RAB38: variants seen among roughly 807,000 people sequenced by gnomAD.
RAB38 encodes the protein RAB38, member RAS oncogene family, also known as ras-related protein Rab-38.
In RAB38, 15 loss-of-function variants were observed where a neutral mutation model predicts 18.4. The ratio of observed to expected loss-of-function variants is 0.82; its 90% CI spans 0.55 to 1.26. The LOEUF (loss-of-function observed/expected upper bound fraction) is 1.26, where lower values mean the gene tolerates loss of function less well. Among genes scored for constraint, RAB38 ranks in the 50% most tolerant of loss-of-function variants. The pLI, the probability that RAB38 is intolerant of heterozygous loss-of-function variation, is 0.00. For synonymous variants in RAB38, 101 were observed against 104.4 expected (o/e 0.97, Z 0.20); for missense variants, 294 against 267.4 (o/e 1.10, Z -0.69).
the RAB38 span, among the ~76,000 whole-genome samples, chr11:87,859,488 G>T: frequency 1.3e-5 from 2 of 152,004 alleles, no homozygotes; most frequent in African/African-American, 4.8e-5. Context: ...ATGGTTGGAG[G>T]TTTGTGATTG....
chr11:87,871,001 A>G, the RAB38 span, among the ~76,000 whole-genome samples: 2 of 151,720 alleles, frequency 1.3e-5, no homozygotes, highest in East Asian at 3.9e-4. Context: ...ATATTTTTAT[A>G]GCCATATTTT....
At chr11:87,852,733 A>T in the RAB38 span, among the ~76,000 whole-genome samples, 1 of 152,216 alleles carries the variant, frequency 6.6e-6, no homozygotes, top group Non-Finnish European at 1.5e-5. Context: ...ATATCGAGAC[A>T]GTAACCACTG....
At chr11:87,907,440 C>A in the RAB38 span, among the ~76,000 whole-genome samples, 2 of 151,156 alleles carry the variant, frequency 1.3e-5, no homozygotes, top group Non-Finnish European at 3.0e-5. Context: ...GAGATTAGTT[C>A]TTTGACCCAT....
chr11:88,173,336 C>A (rs1354894308), intron 1 of RAB38, among the ~76,000 whole-genome samples: 3 of 152,148 alleles, frequency 2.0e-5, no homozygotes, highest in Non-Finnish European at 4.4e-5. Flanking sequence ...TGGTTGCTCA[C>A]CTGTCATCTA....
chr11:87,921,017 A>T, the RAB38 span, among the ~76,000 whole-genome samples: 3 of 152,004 alleles, frequency 2.0e-5, no homozygotes, highest in East Asian at 5.8e-4. Flanking sequence ...GGCCTTCTTG[A>T]TGCATCATAA....
At chr11:87,945,578 G>T in the RAB38 span, among the ~76,000 whole-genome samples, 1 of 151,790 alleles carries the variant, frequency 6.6e-6, no homozygotes, top group Non-Finnish European at 1.5e-5. Context: ...GAAGAGTGAA[G>T]GAAAAGAAAA....
chr11:87,824,388 A>G, the RAB38 span, among the ~76,000 whole-genome samples: 2 of 152,212 alleles, frequency 1.3e-5, no homozygotes, highest in African/African-American at 4.8e-5. Context: ...CTCCTTCTAA[A>G]TCTAAATCAA....
chr11:87,885,523 C>T, the RAB38 span, among the ~76,000 whole-genome samples: 1 of 152,000 alleles, frequency 6.6e-6, no homozygotes, highest in African/African-American at 2.4e-5. Flanking sequence ...CAGTGTACTG[C>T]GGGTAAACAC....
chr11:87,912,766 C>CTTTTTTTTTTT, the RAB38 span, among the ~76,000 whole-genome samples: 3 of 114,544 alleles, frequency 2.6e-5, no homozygotes, highest in Non-Finnish European at 5.2e-5. Context: ...TTCTTTCTTT[C>CTTTTTTTTTTT]TTTTTTTTTT....
At position 88,175,359 on chromosome 11, in the gene RAB38, AGGTGC is replaced by A. The variant is rs1172499863; in HGVS notation, c.21_25del (p.Glu7AspfsTer91). 1.2e-6 allele frequency: 2 copies of A among 1,614,182 alleles called. No individual in the cohort carries two copies. Among genetic ancestry groups the A allele is most frequent in the Admixed American group, 3.3e-5 (2 of 60,026 alleles). Reference sequence around the variant, plus strand: ...GTCGCCAATCACCAGCAACTTGTACAGGTGCTCCTTGTGCGGGGCCTGCATCCTGG... The same window carrying A: ...GTCGCCAATCACCAGCAACTTGTACATCCTTGTGCGGGGCCTGCATCCTGG... On this transcript the variant is annotated frameshift_variant, in exon 1 of 3. Coordinates refer to ENST00000243662, the MANE Select transcript of RAB38 (RefSeq NM_022337.3). LOFTEE classifies it high-confidence loss of function.
chr11:88,174,631 A>C (rs936264663), intron 1 of RAB38, among the ~76,000 whole-genome samples: 4 of 148,718 alleles, frequency 2.7e-5, no homozygotes, highest in East Asian at 2.0e-4. Flanking sequence ...AAAAAAAAAA[A>C]AAAAAAAAAA....
At chr11:87,974,536 A>G in the RAB38 span, among the ~76,000 whole-genome samples, 1 of 151,894 alleles carries the variant, frequency 6.6e-6, no homozygotes, top group South Asian at 2.1e-4. Context: ...CAGGAAAAAT[A>G]AGATAGAGAA....
chr11:87,850,002 CTAATAATAA>C, the RAB38 span, among the ~76,000 whole-genome samples: 2 of 151,680 alleles, frequency 1.3e-5, no homozygotes, highest in Non-Finnish European at 2.9e-5. Context: ...TTCTGTTAGC[CTAATAATAA>C]TAATAATAAA....
the RAB38 span, among the ~76,000 whole-genome samples, chr11:88,004,217 T>C: frequency 6.6e-6 from 1 of 150,440 alleles, no homozygotes; most frequent in Non-Finnish European, 1.5e-5. Context: ...ACATTCTTCG[T>C]GAATACAGAT....
the RAB38 span, among the ~76,000 whole-genome samples, chr11:87,865,896 G>A: frequency 6.6e-6 from 1 of 151,642 alleles, no homozygotes; most frequent in Admixed American, 6.6e-5. Context: ...AACAGCAGAT[G>A]GCCCCTAATC....
the RAB38 span, among the ~76,000 whole-genome samples, chr11:87,933,866 T>A: frequency 0.038 from 5,814 of 152,164 alleles, 179 homozygotes; most frequent in East Asian, 0.15. Flanking sequence ...AAGCAACAAC[T>A]TAAGAGTTCT....
chr11:87,976,409 TTATA>T, the RAB38 span, among the ~76,000 whole-genome samples: 2 of 134,764 alleles, frequency 1.5e-5, no homozygotes, highest in Non-Finnish European at 3.1e-5. Flanking sequence ...ATTTATATAT[TTATA>T]TATATTTATA....
the RAB38 span, among the ~76,000 whole-genome samples, chr11:88,029,335 A>C: frequency 1.1e-4 from 17 of 151,802 alleles, no homozygotes; most frequent in South Asian, 4.2e-4. Flanking sequence ...CGAGCAAAAT[A>C]ACCAGCTAAC....
the RAB38 span, among the ~76,000 whole-genome samples, chr11:88,030,600 C>G: frequency 6.6e-6 from 1 of 152,156 alleles, no homozygotes; most frequent in Non-Finnish European, 1.5e-5. Flanking sequence ...ACAAAAACAC[C>G]TCTACGCAAA....
Sources: gnomAD v4.1 joint callset for allele counts (sites outside exome capture counted in the v4.1 genomes callset) on GRCh38, gnomAD v4.1.1 for gene constraint, MANE v1.5 for transcripts, NCBI Gene and HGNC (gene_info 2026-07-23, HGNC 2026-07-21) for gene names.